SGCD: variants seen among roughly 807,000 people sequenced by gnomAD.
SGCD encodes delta-sarcoglycan.
Under a neutral mutation model 36.6 loss-of-function variants are expected in SGCD, and 18 were observed. The observed-to-expected ratio is 0.49, with a 90% CI of 0.34 to 0.73. SGCD has a LOEUF of 0.73. Ranked by LOEUF, SGCD falls within the 30% of genes least tolerant of loss-of-function variation. The pLI is 0.01. For synonymous variants in SGCD, 133 were observed against 130.6 expected (o/e 1.02, Z -0.12); for missense variants, 387 against 346.7 (o/e 1.12, Z -0.92).
At chr5:156,080,761 A>G (rs1760928637) in intron 1 of SGCD, among the ~76,000 whole-genome samples, 1 of 152,196 alleles carries the variant, frequency 6.6e-6, no homozygotes, top group Non-Finnish European at 1.5e-5. Flanking sequence ...AAACCTCATC[A>G]GCCTGGTTTT....
intron 3 of SGCD, among the ~76,000 whole-genome samples, chr5:156,448,320 C>T (rs956207109): frequency 2.0e-5 from 3 of 152,172 alleles, no homozygotes; most frequent in African/African-American, 7.2e-5. Context: ...TTCAGTTTAA[C>T]CACCTGCCTA....
At chr5:155,817,244 G>T in the SGCD span, among the ~76,000 whole-genome samples, 1 of 151,984 alleles carries the variant, frequency 6.6e-6, no homozygotes, top group South Asian at 2.1e-4. Context: ...CATACAATAT[G>T]TTTTTCTTCT....
At chr5:156,234,214 T>G (rs1433142583) in intron 3 of SGCD, among the ~76,000 whole-genome samples, 6 of 152,234 alleles carry the variant, frequency 3.9e-5, no homozygotes, top group Admixed American at 3.9e-4. Context: ...TTTTAGCCTA[T>G]TTTTAGTTGG....
intron 3 of SGCD, among the ~76,000 whole-genome samples, chr5:156,487,899 G>GA (rs909208365): frequency 1.8e-4 from 20 of 113,868 alleles, no homozygotes; most frequent in Non-Finnish European, 3.4e-4. Context: ...AGACATGAAA[G>GA]AAAAAAAAAT....
At chr5:156,215,853 G>A (rs1020609639) in intron 3 of SGCD, among the ~76,000 whole-genome samples, 1 of 152,118 alleles carries the variant, frequency 6.6e-6, no homozygotes, top group Non-Finnish European at 1.5e-5. Flanking sequence ...CAAAGGAAAT[G>A]AAATCAGTAT....
chr5:156,494,704 C>T (rs1052285839), intron 3 of SGCD, among the ~76,000 whole-genome samples: 1 of 152,152 alleles, frequency 6.6e-6, no homozygotes, highest in African/African-American at 2.4e-5. Flanking sequence ...GTATCTTCTT[C>T]AAGATGCTCT....
intron 7 of SGCD, among the ~76,000 whole-genome samples, chr5:156,679,139 C>A (rs1753627057): frequency 6.6e-6 from 1 of 152,058 alleles, no homozygotes; most frequent in African/African-American, 2.4e-5. Flanking sequence ...GTAATATTTA[C>A]CTAAAAGTGA....
At chr5:155,948,702 G>T (rs1319895728) in intron 1 of SGCD, among the ~76,000 whole-genome samples, 1 of 152,178 alleles carries the variant, frequency 6.6e-6, no homozygotes, top group Non-Finnish European at 1.5e-5. Flanking sequence ...GTGTGTTGAA[G>T]AAGGGAGTAG....
chr5:155,954,832 C>G (rs1199577959), intron 1 of SGCD, among the ~76,000 whole-genome samples: 1 of 152,134 alleles, frequency 6.6e-6, no homozygotes, highest in African/African-American at 2.4e-5. Flanking sequence ...ATTCCAAGAT[C>G]TGCAGTCAGC....
intron 3 of SGCD, among the ~76,000 whole-genome samples, chr5:156,287,657 G>GTGTGTA (rs1270700748): frequency 1.3e-5 from 2 of 151,652 alleles, no homozygotes; most frequent in Middle Eastern, 3.2e-3. Flanking sequence ...GTGTGTGTGT[G>GTGTGTA]TGTGTATGTG....
rs74604287 is a variant in SGCD at position 156,242,680 on chromosome 5, T to A, written c.-43-86854T>A. Among the ~76,000 whole-genome samples the A allele has an allele frequency of 1.2e-3, 175 of 141,988 alleles. 1 individual carries two copies. The Middle Eastern group carries it at 0.018, about 15-fold the overall frequency. The allele number at this position is 141,988 out of a possible 152,430, so 93.1% of individuals were successfully genotyped here. Reference sequence around the variant, plus strand: ...TTAATCAAAATAAAACATTTAATTTTAAAAAAAGAAAAAGCTAACCAACAT... The same window carrying A: ...TTAATCAAAATAAAACATTTAATTTAAAAAAAAGAAAAAGCTAACCAACAT... On this transcript the variant is annotated intron_variant, in intron 3 of 9. Coordinates refer to the SGCD transcript ENST00000517913.
chr5:156,067,785 C>T (rs552539459), intron 1 of SGCD, among the ~76,000 whole-genome samples: 6 of 136,698 alleles, frequency 4.4e-5, no homozygotes, highest in Admixed American at 6.9e-5. Flanking sequence ...GGCAATGCCT[C>T]GCTCTGCTTC....
chr5:155,994,919 A>G (rs1276639944), intron 1 of SGCD, among the ~76,000 whole-genome samples: 6 of 152,138 alleles, frequency 3.9e-5, no homozygotes, highest in Admixed American at 3.9e-4. Context: ...TCATTCATGG[A>G]TAGGCATAGA....
At chr5:155,978,049 A>G (rs4551052) in intron 1 of SGCD, among the ~76,000 whole-genome samples, 55,419 of 151,824 alleles carry the variant, frequency 0.37, 10,341 homozygotes, top group South Asian at 0.46. Context: ...AGCTGAGATC[A>G]TGCCACTGCA....
At chr5:156,217,056 G>C (rs759266586) in intron 3 of SGCD, among the ~76,000 whole-genome samples, 2 of 151,692 alleles carry the variant, frequency 1.3e-5, no homozygotes, top group African/African-American at 2.4e-5. Context: ...CCAGCCTGGG[G>C]GACAGAGTGA....
intron 7 of SGCD, among the ~76,000 whole-genome samples, chr5:156,733,031 ATTTATTTTT>A (rs756022089): frequency 6.6e-6 from 1 of 151,944 alleles, no homozygotes; most frequent in Non-Finnish European, 1.5e-5. Flanking sequence ...TCCTGGATTC[ATTTATTTTT>A]TTGAAGGGTT....
intron 1 of SGCD, among the ~76,000 whole-genome samples, chr5:155,949,047 C>T (rs1236074046): frequency 6.6e-6 from 1 of 152,140 alleles, no homozygotes; most frequent in Non-Finnish European, 1.5e-5. Context: ...GGCACATGTC[C>T]CTTTTCTCCA....
chr5:156,462,646 G>A (rs1454971685), intron 3 of SGCD, among the ~76,000 whole-genome samples: 3 of 152,156 alleles, frequency 2.0e-5, no homozygotes, highest in East Asian at 1.9e-4. Flanking sequence ...AAATAATAGT[G>A]AGGAAAGTAT....
intron 3 of SGCD, among the ~76,000 whole-genome samples, chr5:156,390,142 A>T (rs1458217395): frequency 6.6e-6 from 1 of 152,230 alleles, no homozygotes; most frequent in Non-Finnish European, 1.5e-5. Flanking sequence ...GATAATGATA[A>T]GAAATGGCTA....
Sources: allele counts gnomAD v4.1 joint callset (sites outside exome capture counted in the v4.1 genomes callset), GRCh38; gene constraint gnomAD v4.1.1; transcripts MANE v1.5; gene names NCBI Gene and HGNC (gene_info 2026-07-23, HGNC 2026-07-21).